The following PTPN12 variants were observed in gnomAD, a reference collection of about 807,000 sequenced individuals.
PTPN12 encodes the protein tyrosine-protein phosphatase non-receptor type 12.
PTPN12 carries 29 observed loss-of-function variants against 97.6 expected under a neutral mutation model. The ratio of observed to expected loss-of-function variants is 0.30; its 90% confidence interval spans 0.22 to 0.41. The LOEUF is 0.41. PTPN12 is among the 10% of genes least tolerant of loss of function. PTPN12 has a pLI of 1.00. For synonymous variants in PTPN12, 327 were observed against 300.4 expected, an observed-to-expected ratio of 1.09 and a Z score of -0.91; for missense variants, 819 against 926.0, an observed-to-expected ratio of 0.88 and a Z score of 1.50.
At chr7:77,575,946 G>A (rs1003312782) in intron 2 of PTPN12, among the ~76,000 whole-genome samples, 1 of 152,112 alleles carries the variant, frequency 6.6e-6, no homozygotes, top group Non-Finnish European at 1.5e-5. Context: ...CCGCCTCCCA[G>A]GTTCATGAGA....
chr7:77,624,156 G>A (rs4729569), intron 12 of PTPN12, among the ~76,000 whole-genome samples: 143,841 of 152,078 alleles, frequency 0.95, 68,126 homozygotes, highest in African/African-American at 0.99. Flanking sequence ...AGTCCCAGCT[G>A]CTTGGGAGGC....
At chr7:77,574,638 T>C (rs142007097) in intron 2 of PTPN12, among the ~76,000 whole-genome samples, 87 of 152,246 alleles carry the variant, frequency 5.7e-4, no homozygotes, top group Non-Finnish European at 5.7e-4. Flanking sequence ...CTGCAGTGCA[T>C]AGGATGCAGC....
chr7:77,637,976 A>G (rs1474733928), intron 16 of PTPN12, among the ~76,000 whole-genome samples: 1 of 27,726 alleles, frequency 3.6e-5, no homozygotes, highest in Non-Finnish European at 6.4e-5. Flanking sequence ...TTTTTTTTTG[A>G]GACAGAGGTC....
intron 1 of PTPN12, among the ~76,000 whole-genome samples, chr7:77,560,879 C>G (rs1024479239): frequency 1.3e-5 from 2 of 151,552 alleles, no homozygotes; most frequent in Non-Finnish European, 1.5e-5. Context: ...AATATCTGTT[C>G]GAGACCCTGC....
intron 16 of PTPN12, among the ~76,000 whole-genome samples, chr7:77,637,258 G>A (rs1376601055): frequency 6.6e-6 from 1 of 152,036 alleles, no homozygotes; most frequent in East Asian, 1.9e-4. Context: ...AATCATGGGA[G>A]CATTTACTAT....
At chr7:77,594,417 A>G (rs1420428141) in intron 6 of PTPN12, among the ~76,000 whole-genome samples, 1 of 152,260 alleles carries the variant, frequency 6.6e-6, no homozygotes, top group Non-Finnish European at 1.5e-5. Flanking sequence ...CAATCCAGAA[A>G]GAAATCTGTA....
intron 11 of PTPN12, among the ~76,000 whole-genome samples, chr7:77,617,024 C>G (rs1266700282): frequency 1.3e-5 from 2 of 152,222 alleles, no homozygotes; most frequent in African/African-American, 2.4e-5. Flanking sequence ...CTCAAGTGAT[C>G]CACCAGTCTC....
rs760124923 is a variant in PTPN12 at position 77,627,126 on chromosome 7, T to G, written c.1447T>G (p.Ser483Ala). 1 of 1,614,142 alleles carries G rather than the reference T, an allele frequency of 6.2e-7. No individual in the cohort carries two copies. The highest frequency in any genetic ancestry group is 1.1e-5 in the South Asian group (1 of 91,078). Residue 483 changes from serine to alanine, a missense_variant, in exon 13 of 18, where the codon TCA becomes GCA. Physicochemically the swap from Ser to Ala is moderately conservative, Grantham distance 99. Transcript: ENST00000248594. ...DKISKPQELS[S>A]DLNVGDTSQN... ...AATCTCTAAGCCACAGGAATTAAGT[T>G]CAGATCTAAATGTCGGTGATACTTC... is the stretch of plus-strand genomic sequence containing the variant.
At chr7:77,558,126 G>A (rs960838088) in intron 1 of PTPN12, among the ~76,000 whole-genome samples, 1 of 149,068 alleles carries the variant, frequency 6.7e-6, no homozygotes, top group Non-Finnish European at 1.5e-5. Context: ...CAGGAGAATC[G>A]CTTGAACCCA....
At chr7:77,566,178 A>G (rs7788619) in intron 1 of PTPN12, among the ~76,000 whole-genome samples, 109,911 of 152,158 alleles carry the variant, frequency 0.72, 41,109 homozygotes, top group East Asian at 0.9. Context: ...ACTGCTAGTC[A>G]TAGTGGTGGT....
chr7:77,569,720 G>A (rs1222130739), intron 1 of PTPN12, among the ~76,000 whole-genome samples: 1 of 152,154 alleles, frequency 6.6e-6, no homozygotes, highest in Non-Finnish European at 1.5e-5. Flanking sequence ...GCAGTGGGCC[G>A]AGATCGCACC....
intron 2 of PTPN12, among the ~76,000 whole-genome samples, chr7:77,573,851 A>G (rs1375435470): frequency 2.6e-5 from 4 of 152,080 alleles, no homozygotes; most frequent in Admixed American, 6.5e-5. Context: ...ACCTCTGCCT[A>G]CCAGCTTCAA....
intron 1 of PTPN12, chr7:77,537,919 T>G: frequency 7.2e-6 from 4 of 557,344 alleles, no homozygotes; most frequent in Admixed American, 5.9e-5. Flanking sequence ...GCCTGCACCG[T>G]GGCTCGCGAC....
At chr7:77,621,407 G>A (rs938061990) in intron 12 of PTPN12, among the ~76,000 whole-genome samples, 6 of 152,132 alleles carry the variant, frequency 3.9e-5, no homozygotes, top group African/African-American at 1.2e-4. Flanking sequence ...GTGGCCAGGC[G>A]CCTGTAATCC....
At chr7:77,542,141 T>G (rs1246344788) in intron 1 of PTPN12, among the ~76,000 whole-genome samples, 1 of 152,186 alleles carries the variant, frequency 6.6e-6, no homozygotes, top group Non-Finnish European at 1.5e-5. Context: ...TAGAGGTCTT[T>G]TTGTGAAGGA....
intron 1 of PTPN12, among the ~76,000 whole-genome samples, chr7:77,560,570 C>A (rs973809117): frequency 6.6e-6 from 1 of 152,186 alleles, no homozygotes; most frequent in Non-Finnish European, 1.5e-5. Flanking sequence ...CTTCCTCCAA[C>A]CTGTAGCACC....
intron 12 of PTPN12, among the ~76,000 whole-genome samples, chr7:77,625,787 C>G (rs1231105592): frequency 6.6e-6 from 1 of 151,604 alleles, no homozygotes; most frequent in Non-Finnish European, 1.5e-5. Flanking sequence ...TCAGGCTGGT[C>G]TCAAACTCCT....
At chr7:77,573,168 A>C (rs531069521) in intron 2 of PTPN12, among the ~76,000 whole-genome samples, 1 of 151,720 alleles carries the variant, frequency 6.6e-6, no homozygotes, top group Non-Finnish European at 1.5e-5. Flanking sequence ...AATAACCAGT[A>C]TACCTAGCAC....
chr7:77,552,088 A>C (rs1012817287), intron 1 of PTPN12, among the ~76,000 whole-genome samples: 1 of 152,218 alleles, frequency 6.6e-6, no homozygotes, highest in East Asian at 1.9e-4. Flanking sequence ...GTTTATTTTA[A>C]AATTACTTTA....
Sources: allele counts gnomAD v4.1 joint callset (sites outside exome capture counted in the v4.1 genomes callset), GRCh38; gene constraint gnomAD v4.1.1; transcripts MANE v1.5; gene names NCBI Gene and HGNC (gene_info 2026-07-23, HGNC 2026-07-21).